BTG4: variants seen among roughly 807,000 people sequenced by gnomAD.
BTG4 encodes the protein protein BTG4.
Under a neutral mutation model 19.3 loss-of-function variants are expected in BTG4, and 10 were observed. The observed-to-expected ratio is 0.52, with a 90% CI of 0.32 to 0.88. The LOEUF is 0.88. Ranked by LOEUF, BTG4 falls within the 40% of genes least tolerant of loss-of-function variation. BTG4 has a pLI of 0.04. For synonymous variants in BTG4, 91 were observed against 95.7 expected, an observed-to-expected ratio of 0.95 and a Z score of 0.29; for missense variants, 238 against 281.9, an observed-to-expected ratio of 0.84 and a Z score of 1.11.
downstream of BTG4, among the ~76,000 whole-genome samples, chr11:111,494,664 C>T (rs1865610329): frequency 1.3e-5 from 2 of 149,696 alleles, no homozygotes; most frequent in South Asian, 4.1e-4. Flanking sequence ...CGGTGGCTCA[C>T]GCCTGAATCC....
chr11:111,453,401 C>T, the BTG4 span: 1 of 454,812 alleles, frequency 2.2e-6, no homozygotes, highest in Non-Finnish European at 4.4e-6. Context: ...CCATTATGTA[C>T]TCTGTAGATG....
chr11:111,467,718 C>G lies in BTG4; in HGVS notation c.663-37G>C, dbSNP rs149916604. ...TATAGATAAATGAAAGCAAAAAGAA[C>G]AAATTTTATAATTTTTTCCTAAAAT... On this transcript the variant is annotated intron_variant, in intron 5 of 5. Coordinates refer to the BTG4 transcript ENST00000356018. The G allele has an allele frequency of 1.9e-4, 140 of 739,146 alleles. 1 individual carries two copies. The highest frequency in any genetic ancestry group is 1.2e-3 in the African/African-American group (70 of 56,282). The allele number at this position is 739,146 out of a possible 1,614,324, so 45.8% of individuals were successfully genotyped here.
At chr11:111,468,335 T>C (rs1199061500) in intron 5 of BTG4, among the ~76,000 whole-genome samples, 1 of 152,232 alleles carries the variant, frequency 6.6e-6, no homozygotes, top group Non-Finnish European at 1.5e-5. Context: ...CTCAGCCAGG[T>C]GCCTTACAGG....
At chr11:111,436,849 A>G in the BTG4 span, among the ~76,000 whole-genome samples, 1 of 151,980 alleles carries the variant, frequency 6.6e-6, no homozygotes, top group African/African-American at 2.4e-5. Flanking sequence ...TTTTGCTGAG[A>G]GTTTCCGTTG....
downstream of BTG4, among the ~76,000 whole-genome samples, chr11:111,465,205 C>T (rs953759717): frequency 1.3e-5 from 2 of 152,082 alleles, no homozygotes; most frequent in African/African-American, 4.8e-5. Flanking sequence ...AGAGAAGTAA[C>T]AGAAAATGCA....
the BTG4 span, among the ~76,000 whole-genome samples, chr11:111,410,392 C>G: frequency 6.6e-6 from 1 of 152,126 alleles, no homozygotes; most frequent in Non-Finnish European, 1.5e-5. Flanking sequence ...AGAATCCAAC[C>G]CATGAGCCCT....
the BTG4 span, among the ~76,000 whole-genome samples, chr11:111,398,343 C>G: frequency 6.6e-6 from 1 of 152,226 alleles, no homozygotes; most frequent in Non-Finnish European, 1.5e-5. Flanking sequence ...AGACCTTGGT[C>G]CTTTAGCCTA....
intron 5 of BTG4, chr11:111,467,684 G>A (rs778561909): frequency 3.9e-6 from 3 of 770,538 alleles, no homozygotes; most frequent in Non-Finnish European, 7.2e-6. Context: ...ATAAAATTCT[G>A]GGGTCCAGTA....
chr11:111,502,355 A>G (rs947765059), intron 1 of BTG4, among the ~76,000 whole-genome samples: 8 of 152,192 alleles, frequency 5.3e-5, no homozygotes, highest in Non-Finnish European at 1.0e-4. Context: ...AACGTGCAGC[A>G]AAAGTGGAAA....
At chr11:111,461,786 G>A in the BTG4 span, 1 of 152,670 alleles carries the variant, frequency 6.6e-6, no homozygotes, top group Non-Finnish European at 1.5e-5. Context: ...AGATACCCAA[G>A]GTCAGGGAGG....
chr11:111,414,893 G>C, the BTG4 span: 3 of 152,276 alleles, frequency 2.0e-5, no homozygotes, highest in African/African-American at 7.2e-5. Flanking sequence ...ACCTTCCCCA[G>C]CTGTAGGGGG....
chr11:111,414,704 T>A, the BTG4 span: 1 of 152,222 alleles, frequency 6.6e-6, no homozygotes, highest in African/African-American at 2.4e-5. Flanking sequence ...TTTAATGAGA[T>A]CCGGGTCACT....
At chr11:111,486,870 A>AT (rs1050798348) in intron 5 of BTG4, among the ~76,000 whole-genome samples, 1 of 152,198 alleles carries the variant, frequency 6.6e-6, no homozygotes, top group African/African-American at 2.4e-5. Context: ...CAGGTTTGTT[A>AT]TATAGGTAAA....
intron 1 of BTG4, among the ~76,000 whole-genome samples, chr11:111,500,148 T>A (rs657092): frequency 0.96 from 144,214 of 150,770 alleles, 69,234 homozygotes; most frequent in South Asian, 1. Flanking sequence ...TCTCAAAAAA[T>A]AAAAATAAAA....
chr11:111,463,830 T>C (rs1206251475), downstream of BTG4, among the ~76,000 whole-genome samples: 2 of 152,134 alleles, frequency 1.3e-5, no homozygotes, highest in African/African-American at 4.8e-5. Flanking sequence ...TGCTGGAGGA[T>C]TCACTTCCAA....
downstream of BTG4, among the ~76,000 whole-genome samples, chr11:111,490,447 A>G (rs1057274238): frequency 1.3e-5 from 2 of 152,216 alleles, no homozygotes; most frequent in Non-Finnish European, 2.9e-5. Flanking sequence ...TGTACCCATA[A>G]TAATTAAAAA....
At chr11:111,461,571 G>A in the BTG4 span, among the ~76,000 whole-genome samples, 8 of 152,262 alleles carry the variant, frequency 5.3e-5, no homozygotes, top group East Asian at 1.2e-3. Context: ...AATATTAGCC[G>A]GGTGTGGTGG....
intron 5 of BTG4, among the ~76,000 whole-genome samples, chr11:111,484,558 GTTGTCACCA>G (rs1355065142): frequency 2.6e-5 from 4 of 151,968 alleles, no homozygotes; most frequent in Non-Finnish European, 5.9e-5. Context: ...TGTAATCACA[GTTGTCACCA>G]TTGTCACCAT....
At chr11:111,390,160 T>C in the BTG4 span, among the ~76,000 whole-genome samples, 1 of 152,262 alleles carries the variant, frequency 6.6e-6, no homozygotes, top group South Asian at 2.1e-4. Context: ...ATCACATTAT[T>C]CCCCACAACA....
Sources: gnomAD v4.1 joint callset for allele counts (sites outside exome capture counted in the v4.1 genomes callset) on GRCh38, gnomAD v4.1.1 for gene constraint, MANE v1.5 for transcripts, NCBI Gene and HGNC (gene_info 2026-07-23, HGNC 2026-07-21) for gene names.